Variants in FBRSL1 observed in about 807,000 individuals in gnomAD.
The protein encoded by FBRSL1 is fibrosin-1-like protein.
FBRSL1 carries 51 observed loss-of-function variants against 89.6 expected under a neutral mutation model. That is an observed-to-expected ratio of 0.57 (90% CI 0.45 to 0.72). FBRSL1 has a LOEUF of 0.72. Ranked by LOEUF, FBRSL1 falls within the 30% of genes least tolerant of loss-of-function variation. The pLI, the probability that FBRSL1 is intolerant of heterozygous loss-of-function variation, is 0.00. For synonymous variants in FBRSL1, 779 were observed against 681.1 expected (o/e 1.14, Z -2.24); for missense variants, 1,618 against 1,451.8 (o/e 1.11, Z -1.86).
chr12:132,544,049 AG>A (rs1337031603), intron 4 of FBRSL1, among the ~76,000 whole-genome samples: 3 of 152,292 alleles, frequency 2.0e-5, no homozygotes, highest in South Asian at 4.1e-4. Flanking sequence ...GGCAGGAGGA[AG>A]GAACAGAGCC....
intron 14 of FBRSL1, among the ~76,000 whole-genome samples, chr12:132,575,376 C>T (rs369837550): frequency 3.3e-5 from 5 of 152,236 alleles, no homozygotes; most frequent in African/African-American, 2.4e-5. Context: ...TACAGGCGAC[C>T]GTCACCACAC....
At chr12:132,501,998 C>G (rs142939119) in intron 1 of FBRSL1, among the ~76,000 whole-genome samples, 1 of 152,224 alleles carries the variant, frequency 6.6e-6, no homozygotes, top group Non-Finnish European at 1.5e-5. Flanking sequence ...TCCTTTTATT[C>G]TTTTCGTTAT....
At chr12:132,510,142 G>T in intron 2 of FBRSL1, 2 of 1,223,734 alleles carry the variant, frequency 1.6e-6, no homozygotes, top group South Asian at 4.2e-5. Context: ...CCGCTCATGG[G>T]CCCAGAGCAG....
intron 4 of FBRSL1, among the ~76,000 whole-genome samples, chr12:132,532,237 C>T (rs1449344936): frequency 4.6e-5 from 7 of 152,158 alleles, no homozygotes; most frequent in African/African-American, 1.4e-4. Flanking sequence ...ACCCATCTCA[C>T]CCTGCACACG....
Position 132,581,642 on chromosome 12 carries a change from C to T in FBRSL1, c.1913-99C>T, listed in dbSNP as rs529530698. 9 of 1,476,462 alleles carry T rather than the reference C, an allele frequency of 6.1e-6. No homozygotes were observed. The Admixed American group carries it at 1.6e-4, about 26-fold the overall frequency. The allele number at this position is 1,476,462 out of a possible 1,614,324, so 91.5% of individuals were successfully genotyped here. On this transcript the variant is annotated intron_variant, in intron 16 of 18. Coordinates refer to ENST00000680143, the MANE Select transcript of FBRSL1 (RefSeq NM_001367871.1). ...AGCCCCTTGGGTCATGCAGGCAGTA[C>T]CCACCAGGCCCAAAGCCTCTACAGC...
At chr12:132,560,842 G>T (rs1006143338) in intron 5 of FBRSL1, among the ~76,000 whole-genome samples, 4 of 152,236 alleles carry the variant, frequency 2.6e-5, no homozygotes, top group South Asian at 2.1e-4. Context: ...AGGCAGAGGC[G>T]GCTGCTCGTG....
chr12:132,521,805 G>C (rs1191313698), intron 2 of FBRSL1, among the ~76,000 whole-genome samples: 2 of 152,192 alleles, frequency 1.3e-5, no homozygotes, highest in Admixed American at 1.3e-4. Context: ...CACATTCCCC[G>C]GGAGGGCACC....
At chr12:132,537,317 G>T (rs912600448) in intron 4 of FBRSL1, among the ~76,000 whole-genome samples, 7 of 152,044 alleles carry the variant, frequency 4.6e-5, no homozygotes, top group African/African-American at 1.7e-4. Flanking sequence ...GTCGGGCCGA[G>T]CCCAGAGGTG....
Position 132,510,850 on chromosome 12 carries a change from C to G in FBRSL1, c.489+2500C>G, listed in dbSNP as rs144868808. On this transcript the variant is annotated intron_variant, in intron 2 of 18. Transcript: ENST00000680143. Reference sequence around the variant, plus strand: ...GGCCCCTCAGCGTCTTTCTGTGCCTCTGAATTGCCAATACTGTCCTTGCAT... The same window carrying G: ...GGCCCCTCAGCGTCTTTCTGTGCCTGTGAATTGCCAATACTGTCCTTGCAT... 611 of 1,059,492 alleles carry G rather than the reference C, an allele frequency of 5.8e-4. 3 individuals carry two copies. In the African/African-American group the frequency reaches 9.3e-3, roughly 16 times the overall value. 65.6% of individuals were successfully genotyped at this position (1,059,492 alleles called of 1,614,324 possible). A position where few individuals can be genotyped will look rare whatever the true frequency, so the allele number is the denominator to read the frequency against.
chr12:132,568,079 G>T (rs990956827), intron 6 of FBRSL1, among the ~76,000 whole-genome samples: 1 of 148,438 alleles, frequency 6.7e-6, no homozygotes, highest in Admixed American at 6.6e-5. Context: ...GTAACCTGTG[G>T]CTGTGAGCTG....
chr12:132,570,559 A>G lies in FBRSL1; in HGVS notation c.1213+19A>G, dbSNP rs569327299. ...CCGGCCGGTAGGTGTCTCGGCCACAATCTCGCCCAGGGCAGGGGTTGGGGG... is the reference window on the plus strand; with the variant it reads ...CCGGCCGGTAGGTGTCTCGGCCACAGTCTCGCCCAGGGCAGGGGTTGGGGG... On this transcript the variant is annotated intron_variant, in intron 8 of 18. Transcript: ENST00000680143. 33 of 1,485,378 alleles carry G rather than the reference A, an allele frequency of 2.2e-5. No homozygotes were observed. Among genetic ancestry groups the G allele is most frequent in the East Asian group, 1.0e-4 (4 of 39,114 alleles). The allele number at this position is 1,485,378 out of a possible 1,614,324, so 92.0% of individuals were successfully genotyped here.
chr12:132,507,729 G>A (rs2033852468), intron 1 of FBRSL1, among the ~76,000 whole-genome samples: 1 of 152,094 alleles, frequency 6.6e-6, no homozygotes, highest in African/African-American at 2.4e-5. Context: ...TCACCTGGGG[G>A]AGCACTTCTT....
chr12:132,557,173 G>GTA (rs999679733), intron 5 of FBRSL1, among the ~76,000 whole-genome samples: 26 of 152,310 alleles, frequency 1.7e-4, no homozygotes, highest in African/African-American at 6.0e-4. Flanking sequence ...CACCCGCTGC[G>GTA]TAACGATGGC....
chr12:132,492,518 G>A lies in FBRSL1; in HGVS notation c.291+1657G>A, dbSNP rs933747915. 2.6e-5 allele frequency among the ~76,000 whole-genome samples: 4 copies of A among 152,198 alleles called. No individual in the cohort carries two copies. The East Asian group carries it at 7.7e-4, about 29-fold the overall frequency. ...CCGGGAAGAGCTCGATGTGTAGAAA[G>A]TGCCCCAGATGCGTGTGTCAGGAAT... On this transcript the variant is annotated intron_variant, in intron 1 of 18. Coordinates refer to ENST00000680143, the MANE Select transcript of FBRSL1 (RefSeq NM_001367871.1).
intron 4 of FBRSL1, among the ~76,000 whole-genome samples, chr12:132,528,504 A>G (rs1317468865): frequency 6.6e-6 from 1 of 151,474 alleles, no homozygotes; most frequent in Admixed American, 6.6e-5. Context: ...GGGAGCCAGC[A>G]CCCCGTGGCG....
At chr12:132,531,377 A>C (rs976738060) in intron 4 of FBRSL1, among the ~76,000 whole-genome samples, 1 of 151,490 alleles carries the variant, frequency 6.6e-6, no homozygotes, top group South Asian at 2.1e-4. Context: ...GTGTGTGTGC[A>C]TGTGCATGTG....
chr12:132,543,333 G>A (rs1433782415), intron 4 of FBRSL1, among the ~76,000 whole-genome samples: 2 of 152,178 alleles, frequency 1.3e-5, no homozygotes, highest in Non-Finnish European at 2.9e-5. Flanking sequence ...AAGCAGTGGG[G>A]CCAGGACCTG....
intron 6 of FBRSL1, 62 bp downstream of exon 6, chr12:132,567,588 T>C: frequency 6.7e-7 from 1 of 1,498,844 alleles, no homozygotes; most frequent in South Asian, 1.2e-5. Flanking sequence ...GCCCTGCGTC[T>C]TGGCGGCAGG....
intron 18 of FBRSL1, among the ~76,000 whole-genome samples, chr12:132,582,468 CA>C (rs1038706959): frequency 8.6e-5 from 13 of 150,772 alleles, no homozygotes; most frequent in Admixed American, 2.0e-4. Context: ...TGCGCACTCA[CA>C]GTCTGTCCAG....
Sources: allele counts gnomAD v4.1 joint callset (sites outside exome capture counted in the v4.1 genomes callset), GRCh38; gene constraint gnomAD v4.1.1; transcripts MANE v1.5; gene names NCBI Gene and HGNC (gene_info 2026-07-23, HGNC 2026-07-21).